Variants in CYSLTR2 observed in about 807,000 individuals in gnomAD.
The protein encoded by CYSLTR2 is G-protein coupled receptor GPCR21.
For synonymous variants in CYSLTR2, 179 were observed against 160.8 expected, an observed-to-expected ratio of 1.11 and a Z score of -0.86; for missense variants, 398 against 411.9, an observed-to-expected ratio of 0.97 and a Z score of 0.29.
chr13:48,654,984 A>T (rs1243042848), intron 1 of CYSLTR2, among the ~76,000 whole-genome samples: 1 of 152,224 alleles, frequency 6.6e-6, no homozygotes, highest in Non-Finnish European at 1.5e-5. Flanking sequence ...CAAGCCAACC[A>T]AATCTCCCTT....
intron 4 of CYSLTR2, among the ~76,000 whole-genome samples, chr13:48,698,769 G>T (rs1435578321): frequency 6.6e-6 from 1 of 152,134 alleles, no homozygotes; most frequent in African/African-American, 2.4e-5. Flanking sequence ...GCTGTATTCA[G>T]GAGACCCACC....
chr13:48,656,407 A>T (rs904603421), intron 1 of CYSLTR2, among the ~76,000 whole-genome samples: 3 of 150,880 alleles, frequency 2.0e-5, no homozygotes, highest in African/African-American at 4.9e-5. Flanking sequence ...CTTAACATCC[A>T]TTTTTTTTTC....
Position 48,690,145 on chromosome 13 carries a change from T to A in CYSLTR2, c.-265-1067T>A, listed in dbSNP as rs150988321. 7.4e-3 allele frequency among the ~76,000 whole-genome samples: 1,120 copies of A among 151,996 alleles called. 17 individuals are homozygous for A. Among genetic ancestry groups the A allele is most frequent in the African/African-American group, 0.025 (1,029 of 41,488 alleles). ...TGCTGAATTTGCTTTGCTGAAGGAG[T>A]TTTTGGGCTGAGATGATGGGGTTTT... On this transcript the variant is annotated intron_variant, in intron 1 of 4. Coordinates refer to ENST00000682523, the MANE Select transcript of CYSLTR2 (RefSeq NM_001308476.3).
chr13:48,690,283 T>C (rs748710210), intron 1 of CYSLTR2, among the ~76,000 whole-genome samples: 2 of 152,122 alleles, frequency 1.3e-5, no homozygotes, highest in Non-Finnish European at 2.9e-5. Flanking sequence ...GAACGTCCAA[T>C]ACTATGTTGA....
At position 48,710,042 on chromosome 13, in the gene CYSLTR2, A is replaced by G. The variant is rs1954599081; in HGVS notation, c.*2184A>G. ...AAACGCAATACAGTTTTTAAGTGCT[A>G]GAGGAAAAGAAACTTTTGTATTAGA... On this transcript the variant is annotated 3_prime_UTR_variant, in exon 5 of 5. Coordinates refer to ENST00000682523, the MANE Select transcript of CYSLTR2 (RefSeq NM_001308476.3). 6.6e-6 allele frequency: 1 copy of G among 152,248 alleles called. No homozygotes were observed. The highest frequency in any genetic ancestry group is 1.5e-5 in the Non-Finnish European group (1 of 68,042). 9.4% of individuals were successfully genotyped at this position (152,248 alleles called of 1,614,324 possible).
At chr13:48,664,010 T>C (rs1005420979) in intron 1 of CYSLTR2, among the ~76,000 whole-genome samples, 1 of 152,070 alleles carries the variant, frequency 6.6e-6, no homozygotes, top group African/African-American at 2.4e-5. Flanking sequence ...CTTCTATACC[T>C]AATTGTAAGA....
At chr13:48,683,157 C>A (rs1566093174) in intron 1 of CYSLTR2, among the ~76,000 whole-genome samples, 5 of 152,108 alleles carry the variant, frequency 3.3e-5, no homozygotes, top group South Asian at 2.1e-4. Flanking sequence ...GATTCCATGT[C>A]TTTGCTATTG....
At chr13:48,693,966 A>G (rs1467277204) in intron 3 of CYSLTR2, among the ~76,000 whole-genome samples, 1 of 152,224 alleles carries the variant, frequency 6.6e-6, no homozygotes, top group Non-Finnish European at 1.5e-5. Context: ...AACTGTGCCC[A>G]CTGTAGAGAT....
At position 48,683,387 on chromosome 13, in the gene CYSLTR2, A is replaced by T. The variant is rs530360480; in HGVS notation, c.-265-7825A>T. On this transcript the variant is annotated intron_variant, in intron 1 of 4. Coordinates refer to ENST00000682523, the MANE Select transcript of CYSLTR2 (RefSeq NM_001308476.3). ...TTCTTTTCTCTGCAACCTTGCCAGC[A>T]TCTGTTTTTCTTTGACTTTTTAATA... Among the ~76,000 whole-genome samples the T allele has an allele frequency of 2.6e-5, 4 of 152,314 alleles. No homozygotes were observed. In the East Asian group the frequency reaches 7.7e-4, roughly 29 times the overall value.
At chr13:48,673,192 AT>A (rs1233063296) in intron 1 of CYSLTR2, among the ~76,000 whole-genome samples, 1 of 152,044 alleles carries the variant, frequency 6.6e-6, no homozygotes, top group African/African-American at 2.4e-5. Context: ...TCTTTCTAAT[AT>A]TGACAGTGGG....
intron 3 of CYSLTR2, chr13:48,694,658 G>A (rs981891149): frequency 6.6e-6 from 1 of 150,810 alleles, no homozygotes; most frequent in African/African-American, 2.4e-5. Flanking sequence ...CTCCATTTTT[G>A]TCAATCCTTC....
intron 3 of CYSLTR2, among the ~76,000 whole-genome samples, chr13:48,696,071 T>C (rs1277141626): frequency 1.3e-5 from 2 of 152,244 alleles, no homozygotes; most frequent in Non-Finnish European, 2.9e-5. Flanking sequence ...GTAGTCGCTA[T>C]GTTTTATTTA....
rs1953859740 is a variant in CYSLTR2 at position 48,684,985 on chromosome 13, G to A, written c.-265-6227G>A. On this transcript the variant is annotated intron_variant, in intron 1 of 4. Transcript: ENST00000682523. ...TACCTGAAGCTAGAAGAGACAAGGA[G>A]GGATTCTTCCCCAGAGCCTTCGAAG... Among the ~76,000 whole-genome samples, 4 of 152,206 alleles carry A rather than the reference G, an allele frequency of 2.6e-5. No individual in the cohort carries two copies. The South Asian group carries it at 8.3e-4, about 31-fold the overall frequency.
At chr13:48,687,010 T>A (rs573261103) in intron 1 of CYSLTR2, among the ~76,000 whole-genome samples, 2 of 152,152 alleles carry the variant, frequency 1.3e-5, no homozygotes, top group African/African-American at 4.8e-5. Flanking sequence ...ACTGTCTAAT[T>A]GGCTTGGGGC....
chr13:48,695,609 A>G (rs1954164144), intron 3 of CYSLTR2, among the ~76,000 whole-genome samples: 1 of 151,756 alleles, frequency 6.6e-6, no homozygotes, highest in Non-Finnish European at 1.5e-5. Flanking sequence ...ATCCCCGGCA[A>G]TTACAAATCT....
intron 1 of CYSLTR2, among the ~76,000 whole-genome samples, chr13:48,684,284 G>C (rs1404494995): frequency 6.6e-6 from 1 of 152,024 alleles, no homozygotes; most frequent in Non-Finnish European, 1.5e-5. Context: ...TAGGCTTTGA[G>C]TAAAGGAGTG....
At chr13:48,675,333 C>T (rs1034430777) in intron 1 of CYSLTR2, among the ~76,000 whole-genome samples, 1 of 152,172 alleles carries the variant, frequency 6.6e-6, no homozygotes, top group African/African-American at 2.4e-5. Flanking sequence ...TTCAGAGATG[C>T]CCTGCCCAGA....
At chr13:48,696,872 C>T (rs768559107) in intron 4 of CYSLTR2, among the ~76,000 whole-genome samples, 3 of 151,380 alleles carry the variant, frequency 2.0e-5, no homozygotes, top group Admixed American at 6.6e-5. Flanking sequence ...GTCCCACGCC[C>T]GGCTCGGAGG....
At chr13:48,697,244 C>T (rs927058182) in intron 4 of CYSLTR2, among the ~76,000 whole-genome samples, 33 of 152,184 alleles carry the variant, frequency 2.2e-4, no homozygotes, top group African/African-American at 8.0e-4. Context: ...AGTAGCCTAA[C>T]TGGGAAAAAC....
Sources: allele counts gnomAD v4.1 joint callset (sites outside exome capture counted in the v4.1 genomes callset), GRCh38; gene constraint gnomAD v4.1.1; transcripts MANE v1.5; gene names NCBI Gene and HGNC (gene_info 2026-07-23, HGNC 2026-07-21).